The following DENND1B variants were observed in gnomAD, a reference collection of about 807,000 sequenced individuals.
DENND1B encodes DENN domain containing 1B.
A neutral mutation model predicts 90.1 loss-of-function variants in DENND1B; 59 were observed. That is an observed-to-expected ratio of 0.65 (90% CI 0.53 to 0.81). The LOEUF is 0.81. Among genes scored for constraint, DENND1B ranks in the 40% least tolerant of loss-of-function variants. The pLI is 0.00. For missense variants in DENND1B, 862 were observed against 912.6 expected (o/e 0.94, Z 0.71); for synonymous variants, 337 against 324.6 (o/e 1.04, Z -0.41).
At chr1:197,637,016 T>C (rs1404597175) in intron 10 of DENND1B, among the ~76,000 whole-genome samples, 1 of 151,622 alleles carries the variant, frequency 6.6e-6, no homozygotes, top group Non-Finnish European at 1.5e-5. Flanking sequence ...CTTGCCTAAC[T>C]GTAAAATGAA....
intron 2 of DENND1B, among the ~76,000 whole-genome samples, chr1:197,720,078 T>C (rs1018546031): frequency 6.6e-6 from 1 of 152,204 alleles, no homozygotes; most frequent in Non-Finnish European, 1.5e-5. Flanking sequence ...ACTCTCTAGG[T>C]TGTTCTTAAA....
rs528627949 is a variant in DENND1B, at chr1:197,575,640, T to C, written c.1149+7512A>G. Among the ~76,000 whole-genome samples, 231 of 152,348 alleles carry C rather than the reference T, an allele frequency of 1.5e-3. 1 individual carries two copies. The highest frequency in any genetic ancestry group is 5.4e-3 in the African/African-American group (223 of 41,590). On this transcript the variant is annotated intron_variant, in intron 15 of 22. Coordinates refer to ENST00000620048, the MANE Select transcript of DENND1B (RefSeq NM_001195215.2). ...ATAAAGACATATGCACATGTATGTT[T>C]ATTGCGGCACCATTCACAATAGCAA...
chr1:197,673,535 T>C (rs1468538705), intron 4 of DENND1B, among the ~76,000 whole-genome samples: 2 of 152,172 alleles, frequency 1.3e-5, no homozygotes, highest in Non-Finnish European at 2.9e-5. Flanking sequence ...TCTGTTGTTA[T>C]GCTCACAGGG....
chr1:197,626,738 G>A (rs202123003), intron 10 of DENND1B, among the ~76,000 whole-genome samples: 1 of 151,838 alleles, frequency 6.6e-6, no homozygotes, highest in Non-Finnish European at 1.5e-5. Flanking sequence ...ATGAATCCAG[G>A]AGCTGGTTTT....
At chr1:197,692,341 T>C (rs766098891) in intron 3 of DENND1B, among the ~76,000 whole-genome samples, 16 of 151,858 alleles carry the variant, frequency 1.1e-4, no homozygotes, top group African/African-American at 2.7e-4. Flanking sequence ...CCTAAATATA[T>C]ACCATTTTAT....
intron 2 of DENND1B, among the ~76,000 whole-genome samples, chr1:197,771,677 T>C (rs777785662): frequency 1.3e-5 from 2 of 152,192 alleles, no homozygotes; most frequent in Non-Finnish European, 2.9e-5. Context: ...GAGTAGGTAA[T>C]TGCTGGATAG....
chr1:197,583,519 T>A (rs1026282140), intron 14 of DENND1B, among the ~76,000 whole-genome samples: 1 of 152,178 alleles, frequency 6.6e-6, no homozygotes, highest in African/African-American at 2.4e-5. Context: ...AAAATAAAGA[T>A]TTGACATCAT....
chr1:197,603,152 T>G (rs1676357921), intron 13 of DENND1B, among the ~76,000 whole-genome samples: 1 of 151,286 alleles, frequency 6.6e-6, no homozygotes, highest in South Asian at 2.1e-4. Context: ...AAACAGAAAA[T>G]CATTTTCCAA....
At chr1:197,578,983 G>C (rs746832853) in intron 15 of DENND1B, among the ~76,000 whole-genome samples, 4 of 152,162 alleles carry the variant, frequency 2.6e-5, no homozygotes, top group African/African-American at 4.8e-5. Context: ...AGGCTGGTTA[G>C]ACCTCTTTTA....
At chr1:197,652,133 G>A in intron 7 of DENND1B, 102 bp downstream of exon 7, 3 of 866,320 alleles carry the variant, frequency 3.5e-6, no homozygotes, top group South Asian at 1.6e-5. Context: ...CTTCCTGGAA[G>A]CAGAGATGAC....
chr1:197,714,474 A>G (rs914802977), intron 3 of DENND1B, among the ~76,000 whole-genome samples: 6 of 152,142 alleles, frequency 3.9e-5, no homozygotes, highest in Non-Finnish European at 1.5e-5. Context: ...AGACTATAAC[A>G]TAAAATGCAA....
At chr1:197,715,910 T>C (rs1035088421) in intron 2 of DENND1B, among the ~76,000 whole-genome samples, 3 of 151,560 alleles carry the variant, frequency 2.0e-5, no homozygotes, top group Non-Finnish European at 4.4e-5. Context: ...TTTAAAGGGA[T>C]AGTGTATAAT....
At chr1:197,614,899 G>C (rs955176889) in intron 11 of DENND1B, among the ~76,000 whole-genome samples, 5 of 150,960 alleles carry the variant, frequency 3.3e-5, no homozygotes, top group Non-Finnish European at 7.4e-5. Context: ...TACCTGCCAT[G>C]TGTTTATGGA....
At chr1:197,549,564 A>G (rs1226666161) in intron 16 of DENND1B, among the ~76,000 whole-genome samples, 2 of 152,144 alleles carry the variant, frequency 1.3e-5, no homozygotes, top group Non-Finnish European at 2.9e-5. Flanking sequence ...AAATGAAAAA[A>G]AAGTATTTAA....
chr1:197,778,898 T>C (rs577080856), upstream of DENND1B, among the ~76,000 whole-genome samples: 658 of 152,296 alleles, frequency 4.3e-3, 8 homozygotes, highest in African/African-American at 0.015. Flanking sequence ...CTAGAAATTT[T>C]AATAGGTACA....
intron 20 of DENND1B, among the ~76,000 whole-genome samples, chr1:197,539,362 A>T (rs917930695): frequency 6.6e-6 from 1 of 152,194 alleles, no homozygotes; most frequent in Non-Finnish European, 1.5e-5. Flanking sequence ...AGGCCACTTA[A>T]GATACAATTT....
intron 10 of DENND1B, among the ~76,000 whole-genome samples, chr1:197,625,534 C>G (rs1259938627): frequency 6.6e-6 from 1 of 152,060 alleles, no homozygotes; most frequent in Non-Finnish European, 1.5e-5. Context: ...TGGAAAGGAA[C>G]AACCGGTACC....
chr1:197,548,183 A>T (rs935029923), intron 16 of DENND1B, among the ~76,000 whole-genome samples: 15 of 152,278 alleles, frequency 9.9e-5, no homozygotes, highest in South Asian at 2.1e-4. Context: ...TGAGGAATTT[A>T]AAAAAGCTAA....
Position 197,510,262 on chromosome 1 carries a change from T to G in DENND1B, c.*198A>C. 1.6e-6 allele frequency: 1 copy of G among 624,318 alleles called. No individual in the cohort carries two copies. The highest frequency in any genetic ancestry group is 2.4e-5 in the South Asian group (1 of 41,792). 38.7% of individuals were successfully genotyped at this position (624,318 alleles called of 1,614,324 possible). A position where few individuals can be genotyped will look rare whatever the true frequency, so the allele number is the denominator to read the frequency against. ...ACATACATACACACTAGTACCTGAT[T>G]TAAAAGCACAGTAGAATTCGCTTTA... On this transcript the variant is annotated 3_prime_UTR_variant, in exon 23 of 23. Coordinates refer to ENST00000620048, the MANE Select transcript of DENND1B (RefSeq NM_001195215.2).
Sources: allele counts gnomAD v4.1 joint callset (sites outside exome capture counted in the v4.1 genomes callset), GRCh38; gene constraint gnomAD v4.1.1; transcripts MANE v1.5; gene names NCBI Gene and HGNC (gene_info 2026-07-23, HGNC 2026-07-21).